SLC24A1: variants seen among roughly 807,000 people sequenced by gnomAD.
SLC24A1 encodes the protein solute carrier family 24 member 1.
A neutral mutation model predicts 88.1 loss-of-function variants in SLC24A1; 52 were observed. The ratio of observed to expected loss-of-function variants is 0.59; its 90% CI spans 0.47 to 0.74. The LOEUF (loss-of-function observed/expected upper bound fraction) is 0.74, where lower values mean the gene tolerates loss of function less well. SLC24A1 is among the 30% of genes least tolerant of loss of function. SLC24A1 has a pLI of 0.00. For synonymous variants in SLC24A1, 455 were observed against 498.0 expected, an observed-to-expected ratio of 0.91 and a Z score of 1.15; for missense variants, 1,173 against 1,363.3, an observed-to-expected ratio of 0.86 and a Z score of 2.20.
chr15:65,611,814 TA>T (rs936666655), intron 1 of SLC24A1: 71 of 152,428 alleles, frequency 4.7e-4, no homozygotes, highest in African/African-American at 1.6e-3. Flanking sequence ...CCGGGCATGG[TA>T]ACGAGTGCCT....
At chr15:65,628,049 C>A (rs2074579725) in intron 2 of SLC24A1, among the ~76,000 whole-genome samples, 1 of 152,178 alleles carries the variant, frequency 6.6e-6, no homozygotes, top group Non-Finnish European at 1.5e-5. Flanking sequence ...CAGCCTAGAA[C>A]TCCTGGGCTC....
upstream of SLC24A1, among the ~76,000 whole-genome samples, chr15:65,618,533 A>G (rs1337384250): frequency 3.3e-5 from 5 of 152,176 alleles, no homozygotes; most frequent in African/African-American, 1.2e-4. Flanking sequence ...TCCAATTGAG[A>G]TGGGAAGCCA....
chr15:65,651,074 A>C, intron 7 of SLC24A1, 132 bp downstream of exon 7: 1 of 762,908 alleles, frequency 1.3e-6, no homozygotes, highest in Non-Finnish European at 2.3e-6. Flanking sequence ...CACCATTGAG[A>C]TCTGGGAAGG....
exon 1 of SLC24A1, chr15:65,611,473 C>T: frequency 2.1e-6 from 1 of 468,344 alleles, no homozygotes. Flanking sequence ...CCATGGGCCT[C>T]ACCTGGCCCG....
At chr15:65,634,730 T>C (rs1011116399) in intron 2 of SLC24A1, among the ~76,000 whole-genome samples, 1 of 20,074 alleles carries the variant, frequency 5.0e-5, no homozygotes, top group African/African-American at 2.5e-4. Flanking sequence ...TAAAACCAAA[T>C]CAAAAGCACC....
downstream of SLC24A1, among the ~76,000 whole-genome samples, chr15:65,657,102 C>T (rs1281294010): frequency 6.6e-6 from 1 of 152,136 alleles, no homozygotes; most frequent in African/African-American, 2.4e-5. Context: ...AACTCCTGAG[C>T]TCAGGCAATC....
At chr15:65,618,070 ACATATCTC>A, upstream of SLC24A1, among the ~76,000 whole-genome samples, 1 of 152,334 alleles carries the variant, frequency 6.6e-6, no homozygotes, top group South Asian at 2.1e-4. Context: ...AAGCAACCAT[ACATATCTC>A]CCTGCCTCAA....
chr15:65,653,401 A>G (rs187653643), intron 9 of SLC24A1, among the ~76,000 whole-genome samples: 77 of 152,276 alleles, frequency 5.1e-4, no homozygotes, highest in Admixed American at 1.0e-3. Flanking sequence ...GGCAGCCCTC[A>G]TCACTAAAGA....
At chr15:65,631,263 A>T (rs1049777575) in intron 2 of SLC24A1, among the ~76,000 whole-genome samples, 1 of 152,258 alleles carries the variant, frequency 6.6e-6, no homozygotes, top group African/African-American at 2.4e-5. Flanking sequence ...AAAGAACAGC[A>T]TAATTTCTAG....
chr15:65,650,505 G>A lies in SLC24A1; in HGVS notation c.2356G>A (p.Glu786Lys). 6.4e-7 allele frequency: 1 copy of A among 1,551,750 alleles called. No homozygotes were observed. Among genetic ancestry groups the A allele is most frequent in the Non-Finnish European group, 8.7e-7 (1 of 1,147,002 alleles). ...ETQPEGEGET[E>K]TQGKGEECED... ...TCAACCAGAAGGTGAAGGTGAAACT[G>A]AAACACAAGGAAAAGGAGAAGAATG... Residue 786 changes from glutamate to lysine, a missense_variant, in exon 7 of 10, where the codon GAA (glutamate) becomes AAA (lysine). Physicochemically the swap from Glu to Lys is moderately conservative, Grantham distance 56. Transcript: ENST00000261892. This position sits in a 1 kb window ranked among gnomAD's most constrained non-coding sequence, Gnocchi z 4.1.
intron 2 of SLC24A1, 119 bp from the exon 3 acceptor site, chr15:65,638,009 C>T (rs1318731240): frequency 1.4e-6 from 1 of 734,164 alleles, no homozygotes; most frequent in Non-Finnish European, 2.5e-6. Context: ...TTTTCTGAGA[C>T]CAGGTTATCT....
intron 2 of SLC24A1, among the ~76,000 whole-genome samples, chr15:65,626,179 C>T (rs1006420327): frequency 7.2e-5 from 11 of 152,322 alleles, no homozygotes; most frequent in Admixed American, 4.6e-4. Context: ...AACCCCTAAT[C>T]ACCCTATAAA....
intron 2 of SLC24A1, among the ~76,000 whole-genome samples, chr15:65,635,395 G>A (rs1056273688): frequency 1.5e-5 from 2 of 132,144 alleles, no homozygotes; most frequent in East Asian, 2.4e-4. Context: ...CAGGAGAATC[G>A]CTTGAACCCG....
chr15:65,651,977 C>A (rs1393102005), intron 8 of SLC24A1: 3 of 544,658 alleles, frequency 5.5e-6, no homozygotes, highest in African/African-American at 1.9e-5. Context: ...GCATAGAAGG[C>A]CTTGGAATCC....
Position 65,624,183 on chromosome 15 carries a change from G to A in SLC24A1, c.103G>A (p.Gly35Ser). The part of the protein sequence containing the change: ...LLFLLGMLII[G>S]STYQHLRRPR... ...CTTCTTACTGGGAATGTTGATCATC[G>A]GTTCTACTTATCAGCACCTTAGGAG... is the stretch of plus-strand genomic sequence containing the variant. Residue 35 changes from glycine (G) to serine (S), a missense_variant, in exon 2 of 10, where the codon GGT becomes AGT. Gly to Ser is a moderately conservative substitution (Grantham distance 56). Transcript: ENST00000261892. 6.2e-7 allele frequency: 1 copy of A among 1,613,776 alleles called. No homozygotes were observed. Among genetic ancestry groups the A allele is most frequent in the Non-Finnish European group, 8.5e-7 (1 of 1,179,836 alleles).
downstream of SLC24A1, chr15:65,660,142 G>A (rs1235737825): frequency 4.9e-6 from 3 of 614,810 alleles, no homozygotes; most frequent in South Asian, 4.0e-5. Context: ...GATCTGAATA[G>A]TAAAGAATAA....
chr15:65,642,945 G>A (rs566738277), intron 4 of SLC24A1: 163 of 1,227,070 alleles, frequency 1.3e-4, no homozygotes, highest in Non-Finnish European at 1.7e-4. Context: ...ATGATCTCCA[G>A]GGTTCCTTCT....
At chr15:65,632,052 G>A (rs2074746976) in intron 2 of SLC24A1, among the ~76,000 whole-genome samples, 1 of 152,090 alleles carries the variant, frequency 6.6e-6, no homozygotes, top group Non-Finnish European at 1.5e-5. Context: ...GGATGGTCTC[G>A]ATCTCTTGAC....
At position 65,624,559 on chromosome 15, in the gene SLC24A1, G is replaced by A. The variant is rs2074434258; in HGVS notation, c.479G>A (p.Arg160Lys). Residue 160 changes from arginine (R) to lysine (K), a missense_variant, in exon 2 of 10, where the codon AGA (arginine) becomes AAA (lysine). By Grantham distance (26) the Arg-to-Lys change is conservative. Coordinates refer to ENST00000261892, the MANE Select transcript of SLC24A1 (RefSeq NM_004727.3). ...ACTTACTACACCTCAACTTCAAGCA[G>A]ACAAATAGTAAAAAAGTATACCCCA... ...TLTYYTSTSS[R>K]QIVKKYTPTP... 1.9e-6 allele frequency: 3 copies of A among 1,597,526 alleles called. No homozygotes were observed. The Admixed American group carries it at 5.3e-5, about 28-fold the overall frequency.
Sources: allele counts gnomAD v4.1 joint callset (sites outside exome capture counted in the v4.1 genomes callset), GRCh38; gene constraint gnomAD v4.1.1; non-coding constraint Gnocchi (gnomAD v3.1); transcripts MANE v1.5; gene names NCBI Gene and HGNC (gene_info 2026-07-23, HGNC 2026-07-21).